The following IGBP1 variants were observed in gnomAD, a reference collection of about 807,000 sequenced individuals.
The protein encoded by IGBP1 is immunoglobulin binding protein 1, also known as immunoglobulin-binding protein 1.
IGBP1 carries 2 observed loss-of-function variants against 25.9 expected under a neutral mutation model. That is an observed-to-expected ratio of 0.08 (90% CI 0.03 to 0.24). The LOEUF is 0.24. Ranked by LOEUF, IGBP1 falls within the 10% of genes least tolerant of loss-of-function variation. The pLI, the probability that IGBP1 is intolerant of heterozygous loss-of-function variation, is 1.00. For synonymous variants in IGBP1, 96 were observed against 93.4 expected (o/e 1.03, Z -0.16); for missense variants, 187 against 260.4 (o/e 0.72, Z 1.94).
At chrX:70,162,102 T>C (rs1475267855) in intron 6 of IGBP1, among the ~76,000 whole-genome samples, 1 of 112,047 alleles carries the variant, frequency 8.9e-6, no homozygotes, top group African/African-American at 3.2e-5. Context: ...TGGGCTGTGC[T>C]TAGTGACTTG....
chrX:70,154,136 CA>C (rs1326624816), intron 6 of IGBP1, among the ~76,000 whole-genome samples: 1 of 103,426 alleles, frequency 9.7e-6, no homozygotes, highest in African/African-American at 3.6e-5. Flanking sequence ...CGGCTCACTG[CA>C]AGCTCCGCCT....
At chrX:70,164,084 C>T (rs977046150) in intron 6 of IGBP1, 5 of 110,713 alleles carry the variant, frequency 4.5e-5, no homozygotes, top group African/African-American at 1.6e-4. Flanking sequence ...ACTAAAAATA[C>T]AAAAATTAGC....
rs775974573 is a variant in IGBP1, at chrX:70,165,830, T to C, written c.872-3T>C. ...ACCTCCCTTTCTAATTTTTCCACTTTAGAGGAATTCAGAAAAGCAGCTCAG... is the reference window on the plus strand; with the variant it reads ...ACCTCCCTTTCTAATTTTTCCACTTCAGAGGAATTCAGAAAAGCAGCTCAG... On this transcript the variant is annotated splice_polypyrimidine_tract_variant and splice_region_variant and intron_variant, in intron 6 of 6. Coordinates refer to ENST00000356413, the MANE Select transcript of IGBP1 (RefSeq NM_001551.3). The C allele has an allele frequency of 5.7e-5, 69 of 1,202,238 alleles. No individual in the cohort carries two copies. The highest frequency in any genetic ancestry group is 2.3e-4 in the South Asian group (13 of 55,705).
intron 3 of IGBP1, among the ~76,000 whole-genome samples, chrX:70,135,518 C>G (rs917423545): frequency 1.2e-4 from 13 of 111,485 alleles, no homozygotes; most frequent in African/African-American, 3.9e-4. Flanking sequence ...GGAAGGGCAC[C>G]TAACCAAAGG....
intron 4 of IGBP1, among the ~76,000 whole-genome samples, chrX:70,147,436 G>T (rs940523634): frequency 5.8e-4 from 64 of 110,309 alleles, no homozygotes; most frequent in Non-Finnish European, 1.0e-3. Context: ...AAAAAAAATT[G>T]TGCTGACTAT....
At chrX:70,165,439 C>A (rs1456192622) in intron 6 of IGBP1, among the ~76,000 whole-genome samples, 3 of 109,674 alleles carry the variant, frequency 2.7e-5, no homozygotes, top group Non-Finnish European at 5.7e-5. Flanking sequence ...TCACAAATCA[C>A]AAATTCATAA....
intron 6 of IGBP1, among the ~76,000 whole-genome samples, 157 bp from the exon 7 acceptor site, chrX:70,165,676 A>G (rs1416645919): frequency 1.8e-5 from 2 of 111,229 alleles, no homozygotes; most frequent in African/African-American, 6.5e-5. Context: ...AGGTAATGCA[A>G]GTTCTCTCCC....
At chrX:70,134,349 T>C (rs1163898711) in intron 2 of IGBP1, among the ~76,000 whole-genome samples, 174 bp from the exon 3 acceptor site, 2 of 112,039 alleles carry the variant, frequency 1.8e-5, no homozygotes, top group Admixed American at 9.5e-5. Flanking sequence ...GCTGATTGCA[T>C]AGGCATTGGG....
chrX:70,156,503 A>G (rs1019972029), intron 6 of IGBP1, among the ~76,000 whole-genome samples: 7 of 112,078 alleles, frequency 6.2e-5, no homozygotes, highest in African/African-American at 1.9e-4. Flanking sequence ...GAAATCAATA[A>G]TGTACCTAGA....
At chrX:70,152,668 A>G (rs952462511) in intron 6 of IGBP1, among the ~76,000 whole-genome samples, 3 of 112,400 alleles carry the variant, frequency 2.7e-5, no homozygotes, top group Non-Finnish European at 3.8e-5. Flanking sequence ...AATAGAAACT[A>G]TACACACAAA....
At position 70,148,810 on chromosome X, in the gene IGBP1, T is replaced by C. The variant is rs199524438; in HGVS notation, c.728T>C (p.Phe243Ser). 8.3e-7 allele frequency: 1 copy of C among 1,202,546 alleles called. No individual in the cohort carries two copies. The highest frequency in any genetic ancestry group is 1.7e-5 in the African/African-American group (1 of 57,369). ...CAGGAGAGGCCTCCAGTGAAACCCT[T>C]CATTCTCACTCGGAACATGGCTCAA... ...SRQERPPVKP[F>S]ILTRNMAQAK... is the part of the protein sequence containing the mutation. The change falls in exon 5 of 7, where the codon TTC becomes TCC. Residue 243 changes from phenylalanine (F) to serine (S), a missense_variant. Transcript: ENST00000356413.
At chrX:70,143,278 C>T (rs1427838746) in intron 3 of IGBP1, among the ~76,000 whole-genome samples, 2 of 111,819 alleles carry the variant, frequency 1.8e-5, no homozygotes, top group Non-Finnish European at 3.8e-5. Context: ...AGGCAATCCG[C>T]CTGCCTCGGC....
chrX:70,138,517 A>AAAG (rs1036763842), intron 3 of IGBP1, among the ~76,000 whole-genome samples: 20 of 107,436 alleles, frequency 1.9e-4, no homozygotes, highest in Non-Finnish European at 3.7e-4. Context: ...TCTGAATGTA[A>AAAG]AAGTCATAGT....
chrX:70,158,278 C>G (rs767196528), intron 6 of IGBP1, among the ~76,000 whole-genome samples: 228 of 111,547 alleles, frequency 2.0e-3, no homozygotes, highest in African/African-American at 7.0e-3. Context: ...GACAGGGACT[C>G]ACACTGAGGA....
chrX:70,138,182 G>C (rs751166081), intron 3 of IGBP1, among the ~76,000 whole-genome samples: 76 of 110,093 alleles, frequency 6.9e-4, no homozygotes, highest in Non-Finnish European at 1.3e-3. Flanking sequence ...TTAAAGGATG[G>C]TTAAAAATAG....
intron 3 of IGBP1, among the ~76,000 whole-genome samples, chrX:70,135,457 A>C (rs1043920802): frequency 1.8e-5 from 2 of 111,472 alleles, no homozygotes; most frequent in African/African-American, 3.3e-5. Flanking sequence ...ACAGAATATC[A>C]ATATAAACTG....
chrX:70,135,173 GGAGCTCTGTTCA>G (rs2085087698), intron 3 of IGBP1, among the ~76,000 whole-genome samples: 1 of 112,343 alleles, frequency 8.9e-6, no homozygotes, highest in Non-Finnish European at 1.9e-5. Context: ...CACTGATTGA[GGAGCTCTGTTCA>G]GACTACTGGA....
At position 70,166,196 on chromosome X, in the gene IGBP1, C is replaced by T; in HGVS notation, c.*215C>T. The T allele has an allele frequency of 2.5e-6, 1 of 406,091 alleles. No individual in the cohort carries two copies. The highest frequency in any genetic ancestry group is 4.1e-5 in the East Asian group (1 of 24,463). The allele number at this position is 406,091 out of a possible 1,213,427, so 33.5% of individuals were successfully genotyped here. ...AGTCTTGTTTTGGCATCATCCTCAT[C>T]ATGTTGTATTCCAGCTTCTTAAGTG... On this transcript the variant is annotated 3_prime_UTR_variant, in exon 7 of 7. Coordinates refer to ENST00000356413, the MANE Select transcript of IGBP1 (RefSeq NM_001551.3).
chrX:70,156,403 C>G (rs149097641), intron 6 of IGBP1, among the ~76,000 whole-genome samples: 1,527 of 110,110 alleles, frequency 0.014, 23 homozygotes, highest in African/African-American at 0.048. Context: ...CAAGGTAGAT[C>G]ATATACTGGT....
Sources: gnomAD v4.1 joint callset for allele counts (sites outside exome capture counted in the v4.1 genomes callset) on GRCh38, gnomAD v4.1.1 for gene constraint, MANE v1.5 for transcripts, NCBI Gene and HGNC (gene_info 2026-07-23, HGNC 2026-07-21) for gene names.